THSD7A: variants seen among roughly 807,000 people sequenced by gnomAD.
THSD7A encodes the protein thrombospondin type-1 domain-containing protein 7A.
In THSD7A, 96 loss-of-function variants were observed where a neutral mutation model predicts 231.3. The ratio of observed to expected loss-of-function variants is 0.41; its 90% confidence interval spans 0.35 to 0.49. The LOEUF (loss-of-function observed/expected upper bound fraction) is 0.49. THSD7A is among the 20% of genes least tolerant of loss of function. THSD7A has a pLI of 0.05. For synonymous variants in THSD7A, 940 were observed against 743.3 expected (o/e 1.26, Z -4.30); for missense variants, 2,290 against 2,070.2 (o/e 1.11, Z -2.06).
intron 4 of THSD7A, among the ~76,000 whole-genome samples, chr7:11,584,331 TTAG>T: frequency 6.6e-6 from 1 of 152,280 alleles, no homozygotes; most frequent in African/African-American, 2.4e-5. Flanking sequence ...TACAAATATA[TTAG>T]TAGTTATTAA....
intron 2 of THSD7A, among the ~76,000 whole-genome samples, chr7:11,629,753 A>G (rs1213279938): frequency 1.3e-5 from 2 of 152,224 alleles, no homozygotes; most frequent in Non-Finnish European, 2.9e-5. Context: ...TTTCAGTATG[A>G]ACTGATCTGT....
At chr7:11,772,100 G>C (rs141031497) in intron 1 of THSD7A, among the ~76,000 whole-genome samples, 297 of 152,150 alleles carry the variant, frequency 2.0e-3, no homozygotes, top group African/African-American at 6.9e-3. Flanking sequence ...ATTTCTTTAA[G>C]CAATGTGAGA....
intron 4 of THSD7A, among the ~76,000 whole-genome samples, chr7:11,563,874 C>T (rs929352650): frequency 6.6e-6 from 1 of 152,130 alleles, no homozygotes; most frequent in African/African-American, 2.4e-5. Flanking sequence ...CCTCTTTGCA[C>T]GTGTTCATGC....
At chr7:11,391,968 A>G (rs1374884374) in intron 23 of THSD7A, among the ~76,000 whole-genome samples, 2 of 152,212 alleles carry the variant, frequency 1.3e-5, no homozygotes, top group Non-Finnish European at 2.9e-5. Flanking sequence ...GGGTACCTCA[A>G]TTGGAAATGT....
At chr7:11,549,986 G>C (rs1789558813) in intron 4 of THSD7A, among the ~76,000 whole-genome samples, 1 of 152,058 alleles carries the variant, frequency 6.6e-6, no homozygotes, top group Admixed American at 6.6e-5. Flanking sequence ...GTTCTAGCCA[G>C]TGAAATCAGG....
chr7:11,482,324 G>A lies in THSD7A; in HGVS notation c.1823-342C>T, dbSNP rs563717342. 9.9e-5 allele frequency among the ~76,000 whole-genome samples: 15 copies of A among 152,274 alleles called. No homozygotes were observed. In the South Asian group the frequency reaches 2.9e-3, roughly 29 times the overall value. On this transcript the variant is annotated intron_variant, in intron 6 of 27. Coordinates refer to ENST00000423059, the MANE Select transcript of THSD7A (RefSeq NM_015204.3). The stretch of plus-strand genomic sequence containing the variant: ...AGTTGTAATAAGGAGCATCAACAAA[G>A]CATGTCCCCTCTTTCTTTTTTGGAG...
intron 8 of THSD7A, among the ~76,000 whole-genome samples, chr7:11,471,145 A>C (rs1785921980): frequency 2.0e-5 from 3 of 152,004 alleles, no homozygotes; most frequent in Admixed American, 2.0e-4. Flanking sequence ...AATATCATTC[A>C]TATAATTAAA....
intron 13 of THSD7A, among the ~76,000 whole-genome samples, chr7:11,430,672 C>T (rs372363807): frequency 5.3e-5 from 8 of 152,084 alleles, no homozygotes; most frequent in South Asian, 2.1e-4. Flanking sequence ...TGAGGTGTTA[C>T]GGTGTTGCTC....
At chr7:11,404,097 C>T (rs1783501418) in intron 22 of THSD7A, among the ~76,000 whole-genome samples, 1 of 151,940 alleles carries the variant, frequency 6.6e-6, no homozygotes, top group Non-Finnish European at 1.5e-5. Context: ...TCATGGGATC[C>T]TGTAATTTTC....
At chr7:11,631,107 T>C (rs1781632224) in intron 2 of THSD7A, among the ~76,000 whole-genome samples, 2 of 152,192 alleles carry the variant, frequency 1.3e-5, no homozygotes, top group African/African-American at 2.4e-5. Context: ...TCCCTGTGTC[T>C]TGCCCTTCCC....
chr7:11,666,066 G>C (rs529176246), intron 1 of THSD7A, among the ~76,000 whole-genome samples: 1 of 152,122 alleles, frequency 6.6e-6, no homozygotes, highest in South Asian at 2.1e-4. Context: ...TCAAAATTTT[G>C]TAAGAAATAA....
At chr7:11,413,534 TA>T (rs1203385520) in intron 17 of THSD7A, among the ~76,000 whole-genome samples, 1 of 152,226 alleles carries the variant, frequency 6.6e-6, no homozygotes, top group Non-Finnish European at 1.5e-5. Context: ...AGATCTGATC[TA>T]ACCCACCTTC....
chr7:11,434,936 A>G (rs1207850652), intron 13 of THSD7A, among the ~76,000 whole-genome samples: 1 of 152,014 alleles, frequency 6.6e-6, no homozygotes, highest in African/African-American at 2.4e-5. Context: ...AAAGTTATAA[A>G]TCAATATTAG....
chr7:11,591,784 T>C (rs952345281), intron 3 of THSD7A, among the ~76,000 whole-genome samples: 2 of 152,076 alleles, frequency 1.3e-5, no homozygotes, highest in African/African-American at 4.8e-5. Context: ...GGTTTGGGGA[T>C]TGAAGGGGAA....
At chr7:11,380,016 C>G (rs953126066) in intron 24 of THSD7A, among the ~76,000 whole-genome samples, 3 of 152,168 alleles carry the variant, frequency 2.0e-5, no homozygotes, top group African/African-American at 7.2e-5. Flanking sequence ...CTTTTTCTGT[C>G]AGGAGCACAT....
intron 1 of THSD7A, among the ~76,000 whole-genome samples, chr7:11,664,248 A>G (rs1783037618): frequency 6.6e-6 from 1 of 151,850 alleles, no homozygotes; most frequent in South Asian, 2.1e-4. Context: ...ACCTCAAAAC[A>G]TATGTATGTT....
Position 11,823,799 on chromosome 7 carries a change from C to T in THSD7A, c.190+7958G>A, listed in dbSNP as rs376624543. Among the ~76,000 whole-genome samples the T allele has an allele frequency of 7.9e-5, 12 of 151,872 alleles. No individual in the cohort carries two copies. In the East Asian group the frequency reaches 2.1e-3, roughly 27 times the overall value. ...AATGCTTTTAATTGTTTTATCACTTCCCATTAATATAAGCTTTTTTACTGT... is the reference window on the plus strand; with the variant it reads ...AATGCTTTTAATTGTTTTATCACTTTCCATTAATATAAGCTTTTTTACTGT... On this transcript the variant is annotated intron_variant, in intron 1 of 27. Transcript: ENST00000423059.
intron 1 of THSD7A, among the ~76,000 whole-genome samples, chr7:11,800,112 A>G (rs1180666186): frequency 6.6e-6 from 1 of 152,176 alleles, no homozygotes; most frequent in African/African-American, 2.4e-5. Flanking sequence ...GGAGGAGAGG[A>G]GTCGAGCACT....
At chr7:11,433,800 T>C (rs1482491634) in intron 13 of THSD7A, among the ~76,000 whole-genome samples, 1 of 152,008 alleles carries the variant, frequency 6.6e-6, no homozygotes, top group East Asian at 1.9e-4. Flanking sequence ...ATTTAACATG[T>C]ATGACTTCAG....
Sources: gnomAD v4.1 joint callset for allele counts (sites outside exome capture counted in the v4.1 genomes callset) on GRCh38, gnomAD v4.1.1 for gene constraint, MANE v1.5 for transcripts, NCBI Gene and HGNC (gene_info 2026-07-23, HGNC 2026-07-21) for gene names.